Variants in CDH4 observed in about 807,000 individuals in gnomAD.
CDH4 encodes the protein cadherin-4.
A neutral mutation model predicts 86.0 loss-of-function variants in CDH4; 33 were observed. The observed-to-expected ratio is 0.38, with a 90% CI of 0.29 to 0.51. CDH4 has a LOEUF of 0.51. CDH4 is among the 20% of genes least tolerant of loss of function. CDH4 has a pLI of 0.86. For synonymous variants in CDH4, 555 were observed against 549.4 expected, an observed-to-expected ratio of 1.01 and a Z score of -0.14; for missense variants, 1,114 against 1,307.4, an observed-to-expected ratio of 0.85 and a Z score of 2.28.
intron 2 of CDH4, among the ~76,000 whole-genome samples, chr20:61,533,189 G>A (rs2085968600): frequency 6.6e-6 from 1 of 152,170 alleles, no homozygotes; most frequent in Non-Finnish European, 1.5e-5. Context: ...CTCAAGGTGG[G>A]AGCCAACCTC....
intron 2 of CDH4, among the ~76,000 whole-genome samples, chr20:61,604,769 T>C (rs146662011): frequency 6.6e-6 from 1 of 152,220 alleles, no homozygotes; most frequent in East Asian, 1.9e-4. Context: ...TGGGCCGTTC[T>C]TCCATCCAGC....
chr20:61,329,862 A>G (rs879799579), intron 2 of CDH4, among the ~76,000 whole-genome samples: 3 of 25,864 alleles, frequency 1.2e-4, no homozygotes, highest in Middle Eastern at 0.05. Flanking sequence ...CCATCCCCCG[A>G]CAGGCCCCAG....
At position 61,804,010 on chromosome 20, in the gene CDH4, G is replaced by A. The variant is rs532452281; in HGVS notation, c.576+30828G>A. Among the ~76,000 whole-genome samples, 18 of 152,356 alleles carry A rather than the reference G, an allele frequency of 1.2e-4. No individual in the cohort carries two copies. In the South Asian group the frequency reaches 3.1e-3, roughly 26 times the overall value. On this transcript the variant is annotated intron_variant, in intron 4 of 15. Transcript: ENST00000614565. ...GTGTTTAGCAAGTATCTCTTGTCAA[G>A]GAAGTTGCCAAACTCACAAATGTTC...
At chr20:61,497,700 T>C (rs958613776) in intron 2 of CDH4, among the ~76,000 whole-genome samples, 1 of 152,284 alleles carries the variant, frequency 6.6e-6, no homozygotes, top group Admixed American at 6.5e-5. Flanking sequence ...AGCCATCCTA[T>C]TACTGGGTAT....
intron 2 of CDH4, among the ~76,000 whole-genome samples, chr20:61,398,896 C>T (rs1424642300): frequency 6.6e-6 from 1 of 152,204 alleles, no homozygotes; most frequent in Admixed American, 6.5e-5. Flanking sequence ...AGACCCCGGC[C>T]ACAGCCCAGT....
intron 3 of CDH4, among the ~76,000 whole-genome samples, chr20:61,765,297 C>T (rs2088685453): frequency 6.6e-6 from 1 of 152,170 alleles, no homozygotes; most frequent in Non-Finnish European, 1.5e-5. Context: ...ATTTACCAGG[C>T]ATCTGGGGCA....
chr20:61,514,277 A>C (rs1007717590), intron 2 of CDH4, among the ~76,000 whole-genome samples: 1 of 151,948 alleles, frequency 6.6e-6, no homozygotes, highest in Non-Finnish European at 1.5e-5. Context: ...TGGAACAAAA[A>C]ATGGGGGTCA....
At chr20:61,569,191 G>A (rs975598818) in intron 2 of CDH4, among the ~76,000 whole-genome samples, 2 of 152,106 alleles carry the variant, frequency 1.3e-5, no homozygotes, top group South Asian at 2.1e-4. Flanking sequence ...CATATTGCTC[G>A]CCTTCTGGGG....
At chr20:61,581,978 G>T (rs766359210) in intron 2 of CDH4, among the ~76,000 whole-genome samples, 2 of 152,170 alleles carry the variant, frequency 1.3e-5, no homozygotes, top group African/African-American at 2.4e-5. Context: ...GTTCGGCATG[G>T]CTGAGCTTTG....
At chr20:61,715,904 C>T (rs924892953) in intron 2 of CDH4, among the ~76,000 whole-genome samples, 12 of 152,216 alleles carry the variant, frequency 7.9e-5, no homozygotes, top group Admixed American at 3.9e-4. Context: ...AGAGCCCCTG[C>T]GATTGGGTGG....
intron 2 of CDH4, among the ~76,000 whole-genome samples, chr20:61,327,135 T>C (rs1023860312): frequency 1.1e-4 from 16 of 152,182 alleles, no homozygotes; most frequent in African/African-American, 3.6e-4. Flanking sequence ...TGGAAGCAAA[T>C]GATGGCTTTG....
intron 2 of CDH4, among the ~76,000 whole-genome samples, chr20:61,638,149 G>C (rs917371916): frequency 3.3e-5 from 5 of 152,100 alleles, no homozygotes; most frequent in Non-Finnish European, 5.9e-5. Context: ...CACCATAGAC[G>C]AGTGGAAGGG....
At chr20:61,316,325 C>T (rs1322661846) in intron 2 of CDH4, among the ~76,000 whole-genome samples, 3 of 152,240 alleles carry the variant, frequency 2.0e-5, no homozygotes, top group African/African-American at 4.8e-5. Context: ...ATGGAAAAGG[C>T]ACTGCGGCCC....
At chr20:61,416,959 G>A (rs1042370256) in intron 2 of CDH4, among the ~76,000 whole-genome samples, 6 of 152,142 alleles carry the variant, frequency 3.9e-5, no homozygotes, top group Non-Finnish European at 8.8e-5. Context: ...TGCACATCTC[G>A]GGGGTTCTTC....
intron 2 of CDH4, among the ~76,000 whole-genome samples, chr20:61,626,802 G>A (rs1383474331): frequency 6.6e-6 from 1 of 152,216 alleles, no homozygotes; most frequent in African/African-American, 2.4e-5. Flanking sequence ...GTAACTCAGA[G>A]CCTCCTGAAT....
intron 2 of CDH4, among the ~76,000 whole-genome samples, chr20:61,439,268 A>G (rs76679945): frequency 1.1e-4 from 12 of 107,396 alleles, no homozygotes; most frequent in South Asian, 2.6e-4. Context: ...TTTCGGTTGT[A>G]CTGCAGTGTG....
intron 2 of CDH4, among the ~76,000 whole-genome samples, chr20:61,349,286 C>G (rs1358597574): frequency 6.6e-6 from 1 of 152,212 alleles, no homozygotes; most frequent in African/African-American, 2.4e-5. Flanking sequence ...GTTGGTGGTT[C>G]TGGGGAGAAA....
chr20:61,407,529 A>G (rs2085091051), intron 2 of CDH4, among the ~76,000 whole-genome samples: 1 of 152,250 alleles, frequency 6.6e-6, no homozygotes, highest in African/African-American at 2.4e-5. Flanking sequence ...ACCACTTTAG[A>G]AAAGACTTCG....
intron 9 of CDH4, among the ~76,000 whole-genome samples, chr20:61,922,721 C>T (rs1359987965): frequency 6.6e-6 from 1 of 152,202 alleles, no homozygotes; most frequent in Non-Finnish European, 1.5e-5. Context: ...CATGGCTCCT[C>T]CCTGCACCTG....
Sources: gnomAD v4.1 joint callset for allele counts (sites outside exome capture counted in the v4.1 genomes callset) on GRCh38, gnomAD v4.1.1 for gene constraint, MANE v1.5 for transcripts, NCBI Gene and HGNC (gene_info 2026-07-23, HGNC 2026-07-21) for gene names.